The following AMELY variants were observed in gnomAD, a reference collection of about 807,000 sequenced individuals.
AMELY encodes amelogenin, Y isoform.
In AMELY, 4 loss-of-function variants were observed where a neutral mutation model predicts 4.2. The observed-to-expected ratio is 0.96, with a 90% CI of 0.47 to 2.19. The LOEUF (loss-of-function observed/expected upper bound fraction) is 2.19. AMELY is among the 30% of genes most tolerant of loss of function. The probability of loss-of-function intolerance (pLI) is 0.02; values close to 1 mark genes in which losing one functional copy is unlikely to be tolerated. For missense variants in AMELY, 32 were observed against 41.5 expected (o/e 0.77, Z 0.63); for synonymous variants, 11 against 14.7 (o/e 0.75, Z 0.57).
Position 6,868,077 on chromosome Y carries a change from T to C in AMELY, c.533A>G (p.Glu178Gly). 2.5e-6 allele frequency: 1 copy of C among 394,608 alleles called. No homozygotes were observed. The highest frequency in any genetic ancestry group is 7.6e-5 in the Admixed American group (1 of 13,081). ...LPPILPDLHL[E>G]AWPATDKTKQ... ...GGTCTTGTCTGTTGCTGGCCAAGCT[T>C]CCAGATGCAGATCAGGAAGTATGGG... Residue 178 changes from glutamate to glycine, a missense_variant, in exon 6 of 7, where the codon GAA becomes GGA. Glu to Gly is a moderately conservative substitution (Grantham distance 98). Transcript: ENST00000651267.
At chrY:6,874,771 A>C (rs1603021780) in intron 1 of AMELY, among the ~76,000 whole-genome samples, 1 of 33,633 alleles carries the variant, frequency 3.0e-5, no homozygotes, top group East Asian at 7.7e-4. Flanking sequence ...CATTGTTTTC[A>C]TATTTTTAAT....
intron 6 of AMELY, among the ~76,000 whole-genome samples, chrY:6,867,662 T>C (rs2054062929): frequency 6.0e-5 from 2 of 33,248 alleles, no homozygotes; most frequent in Non-Finnish European, 1.5e-4. Context: ...TTCACTGCAA[T>C]TCTAGCCTCT....
At chrY:6,886,211 A>C in intron 1 of AMELY, among the ~76,000 whole-genome samples, 1 of 34,099 alleles carries the variant, frequency 2.9e-5, no homozygotes. Context: ...ACAATGTATT[A>C]TCAAATACAG....
intron 1 of AMELY, among the ~76,000 whole-genome samples, chrY:6,891,333 G>A (rs2054082792): frequency 3.0e-5 from 1 of 33,549 alleles, no homozygotes; most frequent in Admixed American, 2.7e-4. Flanking sequence ...TAAACTCCCT[G>A]CTGTGTTCTG....
At chrY:6,883,436 C>T (rs893430682) in intron 1 of AMELY, among the ~76,000 whole-genome samples, 28 of 31,833 alleles carry the variant, frequency 8.8e-4, no homozygotes, top group African/African-American at 3.5e-3. Flanking sequence ...CACATCGGGG[C>T]CTGTTGGGGT....
At chrY:6,873,847 G>A in intron 2 of AMELY, 125 bp downstream of exon 2, 1 of 32,402 alleles carries the variant, frequency 3.1e-5, no homozygotes, top group African/African-American at 1.2e-4. Context: ...TAATCCAACA[G>A]AAGTAACTGA....
At chrY:6,866,234 T>C in intron 6 of AMELY, among the ~76,000 whole-genome samples, 156 bp from the exon 7 acceptor site, 1 of 33,608 alleles carries the variant, frequency 3.0e-5, no homozygotes, top group Non-Finnish European at 7.4e-5. Context: ...TTCGTTGTCA[T>C]TAGATATTAG....
intron 1 of AMELY, among the ~76,000 whole-genome samples, chrY:6,895,643 G>C (rs2054085704): frequency 3.0e-5 from 1 of 33,788 alleles, no homozygotes; most frequent in Non-Finnish European, 7.3e-5. Flanking sequence ...GTACCATGCT[G>C]TTTTGGTTAC....
At chrY:6,910,218 C>T in intron 1 of AMELY, among the ~76,000 whole-genome samples, 1 of 32,533 alleles carries the variant, frequency 3.1e-5, no homozygotes, top group Admixed American at 2.8e-4. Context: ...AAGGGGGGAG[C>T]CTCTGCCTGT....
chrY:6,883,598 A>T, intron 1 of AMELY, among the ~76,000 whole-genome samples: 1 of 33,104 alleles, frequency 3.0e-5, no homozygotes, highest in Non-Finnish European at 7.4e-5. Context: ...ATAATAATAA[A>T]AAAGAAAAGC....
At chrY:6,901,852 G>A in intron 1 of AMELY, among the ~76,000 whole-genome samples, 3 of 32,888 alleles carry the variant, frequency 9.1e-5, no homozygotes, top group African/African-American at 3.6e-4. Flanking sequence ...CTTTCTGCCT[G>A]CCTATATTAT....
At position 6,874,021 on chromosome Y, in the gene AMELY, G is replaced by A. The variant is rs2054070314; in HGVS notation, c.-62C>T. Reference sequence around the variant, plus strand: ...TCTTTGTGCTACACAGGGAGGCTTGGTCCTCTAGATTTTCTTTAACTATGA... The same window carrying A: ...TCTTTGTGCTACACAGGGAGGCTTGATCCTCTAGATTTTCTTTAACTATGA... On this transcript the variant is annotated 5_prime_UTR_variant, in exon 2 of 7. Coordinates refer to ENST00000651267, the MANE Select transcript of AMELY (RefSeq NM_001143.2). The A allele has an allele frequency of 1.2e-4, 4 of 33,027 alleles. No homozygotes were observed. Among genetic ancestry groups the A allele is most frequent in the African/African-American group, 4.7e-4 (4 of 8,579 alleles). 8.2% of individuals were successfully genotyped at this position (33,027 alleles called of 400,897 possible). A position where few individuals can be genotyped will look rare whatever the true frequency, so the allele number is the denominator to read the frequency against.
At chrY:6,905,590 C>T (rs2011660894) in intron 1 of AMELY, among the ~76,000 whole-genome samples, 1 of 23,967 alleles carries the variant, frequency 4.2e-5, no homozygotes, top group Non-Finnish European at 9.3e-5. Flanking sequence ...GTCTTCCTTT[C>T]TTTCTTTCCT....
At chrY:6,868,877 C>A in intron 4 of AMELY, 101 bp from the exon 5 acceptor site, 1 of 252,831 alleles carries the variant, frequency 4.0e-6, no homozygotes, top group South Asian at 3.3e-5. Flanking sequence ...CTAAAGCAAT[C>A]CTGTCAACAT....
chrY:6,885,275 C>G (rs574352037), intron 1 of AMELY, among the ~76,000 whole-genome samples: 23 of 33,355 alleles, frequency 6.9e-4, no homozygotes, highest in Middle Eastern at 0.014. Context: ...GTCAGGAGAT[C>G]GAGACCATCC....
chrY:6,898,538 C>T (rs2054087348), intron 1 of AMELY, among the ~76,000 whole-genome samples: 1 of 33,497 alleles, frequency 3.0e-5, no homozygotes. Flanking sequence ...TGCTCTGTTC[C>T]GGCCCTCAGT....
At chrY:6,895,371 C>T in intron 1 of AMELY, among the ~76,000 whole-genome samples, 1 of 33,390 alleles carries the variant, frequency 3.0e-5, no homozygotes, top group African/African-American at 1.2e-4. Context: ...ATTTGCAAGA[C>T]ATCAAGGACT....
intron 1 of AMELY, among the ~76,000 whole-genome samples, chrY:6,898,046 A>G (rs2124084661): frequency 6.2e-5 from 2 of 32,357 alleles, no homozygotes; most frequent in Admixed American, 5.7e-4. Context: ...CGGCCTCCCA[A>G]AGTGCTGGGA....
intron 1 of AMELY, among the ~76,000 whole-genome samples, chrY:6,883,410 A>G: frequency 6.2e-5 from 2 of 32,051 alleles, no homozygotes; most frequent in African/African-American, 2.4e-4. Flanking sequence ...CACAGGACAC[A>G]GGGAGGGGAA....
Sources: allele counts gnomAD v4.1 joint callset (sites outside exome capture counted in the v4.1 genomes callset), GRCh38; gene constraint gnomAD v4.1.1; transcripts MANE v1.5; gene names NCBI Gene and HGNC (gene_info 2026-07-23, HGNC 2026-07-21).